GATA4: variants seen among roughly 807,000 people sequenced by gnomAD.
GATA4 encodes the protein transcription factor GATA-4.
A neutral mutation model predicts 37.9 loss-of-function variants in GATA4; 7 were observed. That is an observed-to-expected ratio of 0.18 (90% CI 0.11 to 0.35). GATA4 has a LOEUF of 0.35. Among genes scored for constraint, GATA4 ranks in the 10% least tolerant of loss-of-function variants. The pLI is 1.00. For missense variants in GATA4, 647 were observed against 653.0 expected (o/e 0.99, Z 0.10); for synonymous variants, 372 against 292.6 (o/e 1.27, Z -2.77).
chr8:11,700,335 C>A (rs760154032), upstream of GATA4, among the ~76,000 whole-genome samples: 2 of 152,256 alleles, frequency 1.3e-5, no homozygotes, highest in African/African-American at 4.8e-5. Context: ...TTGCTCCTTC[C>A]TCTCCTCTCG....
At position 11,708,470 on chromosome 8, in the gene GATA4, A is replaced by G; in HGVS notation, c.158A>G (p.Tyr53Cys). 6.5e-7 allele frequency: 1 copy of G among 1,527,104 alleles called. No individual in the cohort carries two copies. The highest frequency in any genetic ancestry group is 1.4e-5 in the African/African-American group (1 of 72,002). 94.6% of individuals were successfully genotyped at this position (1,527,104 alleles called of 1,614,324 possible). A position where few individuals can be genotyped will look rare whatever the true frequency, so the allele number is the denominator to read the frequency against. ...CCCTCCTCCGTGCTGGGCCTGTCCT[A>G]CCTCCAGGGCGGAGGCGCGGGCTCT... ...RVPSSVLGLS[Y>C]LQGGGAGSAS... Residue 53 changes from tyrosine (Y) to cysteine (C), a missense_variant, in exon 2 of 7, where the codon TAC (tyrosine) becomes TGC (cysteine). Around this residue, in one of 5 missense-constraint regions of GATA4, gnomAD observed 379 missense variants for 334.5 expected, o/e 1.13. Coordinates refer to ENST00000532059, the MANE Select transcript of GATA4 (RefSeq NM_001308093.3). This position sits in a 1 kb window ranked among gnomAD's most constrained non-coding sequence, Gnocchi z 6.7.
intron 2 of GATA4, among the ~76,000 whole-genome samples, chr8:11,721,446 T>C (rs1479274249): frequency 1.3e-5 from 2 of 151,368 alleles, no homozygotes; most frequent in Non-Finnish European, 2.9e-5. Context: ...GGTTATGGTA[T>C]AAGAAGGCGC....
intron 1 of GATA4, among the ~76,000 whole-genome samples, chr8:11,696,583 A>G (rs1799514830): frequency 6.6e-6 from 1 of 152,238 alleles, no homozygotes; most frequent in African/African-American, 2.4e-5. Flanking sequence ...AAATAACAAC[A>G]ATACTACTTT....
At chr8:11,758,263 G>A (rs1380174108) in intron 6 of GATA4, 30 bp from the exon 7 acceptor site, 10 of 1,613,294 alleles carry the variant, frequency 6.2e-6, no homozygotes, top group Non-Finnish European at 8.5e-6. Context: ...GCGTCTCCAT[G>A]GGCCTCATCG....
intron 1 of GATA4, among the ~76,000 whole-genome samples, chr8:11,678,451 T>C (rs1585536304): frequency 6.6e-6 from 1 of 152,236 alleles, no homozygotes; most frequent in East Asian, 1.9e-4. Context: ...CCCAACTCTC[T>C]GGCTTGCTTA....
chr8:11,724,673 G>A (rs149680571), intron 2 of GATA4, among the ~76,000 whole-genome samples: 53 of 152,274 alleles, frequency 3.5e-4, no homozygotes, highest in Middle Eastern at 3.4e-3. Context: ...GGTGGCACAT[G>A]GGCAGGCATG....
At position 11,743,047 on chromosome 8, in the gene GATA4, A is replaced by G. The variant is rs1202553079; in HGVS notation, c.617-5869A>G. On this transcript the variant is annotated intron_variant, in intron 2 of 6. Transcript: ENST00000532059. ...CCCCCTCTGGCCCCTCTTGTGTAGC[A>G]CTGCCCAGCTGCCCCGGGCACGGGC... is the stretch of plus-strand genomic sequence containing the variant. Among the ~76,000 whole-genome samples the G allele has an allele frequency of 4.6e-5, 7 of 152,202 alleles. No homozygotes were observed. In the East Asian group the frequency reaches 1.4e-3, roughly 29 times the overall value.
Position 11,709,622 on chromosome 8 carries a change from C to T in GATA4, c.616+694C>T, listed in dbSNP as rs1188471197. Among the ~76,000 whole-genome samples, 2 of 150,034 alleles carry T rather than the reference C, an allele frequency of 1.3e-5. No homozygotes were observed. Among genetic ancestry groups the T allele is most frequent in the Non-Finnish European group, 3.0e-5 (2 of 67,702 alleles). On this transcript the variant is annotated intron_variant, in intron 2 of 6. Transcript: ENST00000532059. This position sits in a 1 kb window ranked among gnomAD's most constrained non-coding sequence, Gnocchi z 4.3. ...CGGTCAGTGTCCGGGAACATAGGGA[C>T]CTCAAACGCGCTTGTTCATGACACC...
intron 6 of GATA4, among the ~76,000 whole-genome samples, chr8:11,758,045 A>G (rs1255516903): frequency 1.3e-5 from 2 of 152,176 alleles, no homozygotes; most frequent in Non-Finnish European, 2.9e-5. Context: ...CAACCACAGT[A>G]TCCACAGGGC....
chr8:11,699,121 T>C (rs2130014285), intron 1 of GATA4, among the ~76,000 whole-genome samples: 1 of 152,380 alleles, frequency 6.6e-6, no homozygotes, highest in African/African-American at 2.4e-5. Flanking sequence ...ACCAGGATTT[T>C]GATCACTGCA....
intron 1 of GATA4, among the ~76,000 whole-genome samples, chr8:11,682,060 TA>T (rs1167817480): frequency 6.6e-6 from 1 of 152,272 alleles, no homozygotes; most frequent in African/African-American, 2.4e-5. Context: ...TTCTGGATAT[TA>T]AACTGCACAG....
At chr8:11,679,241 G>T (rs1409629573) in intron 1 of GATA4, among the ~76,000 whole-genome samples, 2 of 151,708 alleles carry the variant, frequency 1.3e-5, no homozygotes, top group Non-Finnish European at 2.9e-5. Context: ...AATGTCAGTG[G>T]CCCTGAAGGC....
At chr8:11,712,691 A>T (rs113814636) in intron 2 of GATA4, among the ~76,000 whole-genome samples, 1,467 of 83,836 alleles carry the variant, frequency 0.017, 15 homozygotes, top group Middle Eastern at 0.058. Context: ...CCACATCTCT[A>T]AAAAAAAAAA....
chr8:11,739,281 G>A (rs757115582), intron 2 of GATA4, among the ~76,000 whole-genome samples: 2 of 152,198 alleles, frequency 1.3e-5, no homozygotes, highest in Non-Finnish European at 2.9e-5. Flanking sequence ...TCCAATTTCC[G>A]TATGGCTTTG....
intron 2 of GATA4, 77 bp from the exon 3 acceptor site, chr8:11,748,839 A>T: frequency 6.5e-7 from 1 of 1,530,982 alleles, no homozygotes; most frequent in Non-Finnish European, 9.1e-7. Context: ...TGCGCTCTAG[A>T]TTCTCAGATG....
chr8:11,705,234 A>G (rs1256691296), intron 1 of GATA4, among the ~76,000 whole-genome samples: 1 of 152,222 alleles, frequency 6.6e-6, no homozygotes, highest in Non-Finnish European at 1.5e-5. Flanking sequence ...GTGTTCCCAG[A>G]AAAGGAAGAC....
At chr8:11,716,763 G>C (rs1800450828) in intron 2 of GATA4, among the ~76,000 whole-genome samples, 2 of 152,196 alleles carry the variant, frequency 1.3e-5, no homozygotes, top group Non-Finnish European at 2.9e-5. Context: ...GCAGCGGTGG[G>C]ATTGTGTGAA....
rs143031375 is a variant in GATA4, at chr8:11,752,026, C to G, written c.912+1790C>G. Among the ~76,000 whole-genome samples, 274 of 152,230 alleles carry G rather than the reference C, an allele frequency of 1.8e-3. 1 individual carries two copies. Among genetic ancestry groups the G allele is most frequent in the African/African-American group, 6.3e-3 (261 of 41,532 alleles). ...TGTTTGTGGTGGCAAAAACTAGAAA[C>G]AACCTTAAAACCCCATAAAGGAATG... On this transcript the variant is annotated intron_variant, in intron 4 of 6. Coordinates refer to ENST00000532059, the MANE Select transcript of GATA4 (RefSeq NM_001308093.3).
chr8:11,741,851 C>A (rs2130266620), intron 2 of GATA4, among the ~76,000 whole-genome samples: 1 of 152,322 alleles, frequency 6.6e-6, no homozygotes, highest in Non-Finnish European at 1.5e-5. Flanking sequence ...TGCTCTCAGG[C>A]CAAATTGAGA....
Sources: allele counts gnomAD v4.1 joint callset (sites outside exome capture counted in the v4.1 genomes callset), GRCh38; gene constraint gnomAD v4.1.1; regional missense constraint gnomAD v4.1.1; non-coding constraint Gnocchi (gnomAD v3.1); transcripts MANE v1.5; gene names NCBI Gene and HGNC (gene_info 2026-07-23, HGNC 2026-07-21).